Variants in COBL observed in about 807,000 individuals in gnomAD.
The protein encoded by COBL is cordon-bleu WH2 repeat protein.
COBL carries 51 observed loss-of-function variants against 98.8 expected under a neutral mutation model. The observed-to-expected ratio is 0.52, with a 90% CI of 0.41 to 0.65. The LOEUF (loss-of-function observed/expected upper bound fraction) is 0.65, where lower values mean the gene tolerates loss of function less well. Ranked by LOEUF, COBL falls within the 30% of genes least tolerant of loss-of-function variation. The probability of loss-of-function intolerance (pLI) is 0.00; values close to 1 mark genes in which losing one functional copy is unlikely to be tolerated. For synonymous variants in COBL, 634 were observed against 651.7 expected, an observed-to-expected ratio of 0.97 and a Z score of 0.41; for missense variants, 1,617 against 1,617.5, an observed-to-expected ratio of 1.00 and a Z score of 0.01.
chr7:51,068,138 T>C (rs980133616), intron 7 of COBL, among the ~76,000 whole-genome samples: 3 of 152,232 alleles, frequency 2.0e-5, no homozygotes, highest in Non-Finnish European at 4.4e-5. Flanking sequence ...CAGCTACTTT[T>C]GGTAAACATG....
rs1786373121 is a variant in COBL at position 51,017,363 on chromosome 7, C to T, written c.*188G>A. 6.3e-6 allele frequency: 4 copies of T among 635,014 alleles called. No individual in the cohort carries two copies. The highest frequency in any genetic ancestry group is 2.7e-5 in the East Asian group (1 of 37,046). 39.3% of individuals were successfully genotyped at this position (635,014 alleles called of 1,614,324 possible). A position where few individuals can be genotyped will look rare whatever the true frequency, so the allele number is the denominator to read the frequency against. ...TTTCCTTGGCACACGAGCTGCGCAGCGACACAGCATCTTCTCCTTTCCTTT... is the reference window on the plus strand; with the variant it reads ...TTTCCTTGGCACACGAGCTGCGCAGTGACACAGCATCTTCTCCTTTCCTTT... On this transcript the variant is annotated 3_prime_UTR_variant, in exon 13 of 13. Coordinates refer to ENST00000265136, the MANE Select transcript of COBL (RefSeq NM_015198.5).
intron 11 of COBL, 45 bp from the exon 12 acceptor site, chr7:51,025,417 C>T: frequency 6.2e-7 from 1 of 1,600,864 alleles, no homozygotes; most frequent in Non-Finnish European, 8.5e-7. Flanking sequence ...TGAATGTCTC[C>T]CAAAATTCAG....
At chr7:51,247,462 A>C (rs953674612) in intron 1 of COBL, among the ~76,000 whole-genome samples, 8 of 152,222 alleles carry the variant, frequency 5.3e-5, no homozygotes, top group African/African-American at 1.9e-4. Context: ...GAATTTTTAA[A>C]ATCTTACACT....
intron 6 of COBL, among the ~76,000 whole-genome samples, chr7:51,114,166 G>T (rs1481546669): frequency 6.6e-6 from 1 of 152,166 alleles, no homozygotes; most frequent in African/African-American, 2.4e-5. Context: ...CTTGCCACAA[G>T]GCTGGAAGCT....
rs1489644434 is a variant in COBL, at chr7:51,017,082, C to A, written c.*469G>T. On this transcript the variant is annotated 3_prime_UTR_variant, in exon 13 of 13. Transcript: ENST00000265136. ...TACCAAAACACACAGCATCATGGAG[C>A]ATATCACATTCAGATTGTTCCATCT... 6 of 414,486 alleles carry A rather than the reference C, an allele frequency of 1.4e-5. No homozygotes were observed. Among genetic ancestry groups the A allele is most frequent in the Admixed American group, 4.1e-5 (1 of 24,634 alleles). 25.7% of individuals were successfully genotyped at this position (414,486 alleles called of 1,614,324 possible). A position where few individuals can be genotyped will look rare whatever the true frequency, so the allele number is the denominator to read the frequency against.
At chr7:51,100,221 T>G (rs1795690859) in intron 6 of COBL, among the ~76,000 whole-genome samples, 1 of 152,200 alleles carries the variant, frequency 6.6e-6, no homozygotes, top group Non-Finnish European at 1.5e-5. Flanking sequence ...TTTCTCATTC[T>G]CTCCTTAAAA....
At chr7:51,164,851 C>T (rs1044697751) in intron 5 of COBL, among the ~76,000 whole-genome samples, 19 of 151,976 alleles carry the variant, frequency 1.3e-4, no homozygotes, top group East Asian at 7.7e-4. Context: ...ATAGAAACAA[C>T]GAAAAGTAAA....
At chr7:51,300,536 G>A (rs757210379) in intron 1 of COBL, among the ~76,000 whole-genome samples, 8 of 152,136 alleles carry the variant, frequency 5.3e-5, no homozygotes, top group African/African-American at 9.7e-5. Context: ...AGAGTGTCAC[G>A]TGGTGTGTTA....
intron 5 of COBL, among the ~76,000 whole-genome samples, chr7:51,147,117 C>T (rs1178556923): frequency 6.6e-6 from 1 of 152,210 alleles, no homozygotes; most frequent in African/African-American, 2.4e-5. Context: ...CTCCGCAGCC[C>T]TGGGGCAGCT....
At chr7:51,041,853 C>T (rs186341719) in intron 8 of COBL, among the ~76,000 whole-genome samples, 99 of 152,152 alleles carry the variant, frequency 6.5e-4, no homozygotes, top group Non-Finnish European at 8.8e-4. Flanking sequence ...ATCTAAAAGA[C>T]GAAAAACATT....
chr7:51,081,225 C>G (rs1386159358), intron 7 of COBL, among the ~76,000 whole-genome samples: 1 of 152,196 alleles, frequency 6.6e-6, no homozygotes, highest in Non-Finnish European at 1.5e-5. Flanking sequence ...CCATCCCAAC[C>G]TCCTCTTCCC....
intron 1 of COBL, among the ~76,000 whole-genome samples, chr7:51,234,237 C>T (rs572539958): frequency 3.3e-5 from 5 of 152,200 alleles, no homozygotes; most frequent in African/African-American, 1.2e-4. Flanking sequence ...CCTGGGCTGG[C>T]GAAACCTGAG....
chr7:51,316,158 T>C (rs1011124506), intron 1 of COBL, among the ~76,000 whole-genome samples: 8 of 151,632 alleles, frequency 5.3e-5, no homozygotes, highest in South Asian at 2.1e-4. Context: ...GAGGGAAGAC[T>C]TGATGGGAAC....
At chr7:51,163,860 TA>T (rs1298252087) in intron 5 of COBL, among the ~76,000 whole-genome samples, 1 of 152,258 alleles carries the variant, frequency 6.6e-6, no homozygotes, top group Non-Finnish European at 1.5e-5. Flanking sequence ...GGTAGATTTC[TA>T]AAACTAGGAT....
intron 7 of COBL, among the ~76,000 whole-genome samples, chr7:51,057,333 TACAC>T (rs10579615): frequency 7.0e-4 from 104 of 149,198 alleles, no homozygotes; most frequent in African/African-American, 2.0e-3. Context: ...CGCACACACA[TACAC>T]ACACACACAC....
chr7:51,297,594 C>T (rs951960846), intron 1 of COBL, among the ~76,000 whole-genome samples: 1 of 151,904 alleles, frequency 6.6e-6, no homozygotes, highest in African/African-American at 2.4e-5. Context: ...GGTTTTGCCA[C>T]GTTGGCCAGA....
At chr7:51,296,898 C>T (rs942323316) in intron 1 of COBL, among the ~76,000 whole-genome samples, 2 of 152,192 alleles carry the variant, frequency 1.3e-5, no homozygotes, top group African/African-American at 4.8e-5. Context: ...AACTCCCAGG[C>T]TGGCCACCTT....
At chr7:51,187,339 C>T (rs1197817893) in intron 4 of COBL, among the ~76,000 whole-genome samples, 5,265 of 142,744 alleles carry the variant, frequency 0.037, 164 homozygotes, top group Middle Eastern at 0.081. Flanking sequence ...TATACACACA[C>T]ACACACACAC....
chr7:51,142,938 A>C (rs1477772050), intron 5 of COBL, among the ~76,000 whole-genome samples: 1 of 152,168 alleles, frequency 6.6e-6, no homozygotes, highest in East Asian at 1.9e-4. Flanking sequence ...CAGTGGCCAC[A>C]GCAGACCGCA....
Sources: allele counts gnomAD v4.1 joint callset (sites outside exome capture counted in the v4.1 genomes callset), GRCh38; gene constraint gnomAD v4.1.1; transcripts MANE v1.5; gene names NCBI Gene and HGNC (gene_info 2026-07-23, HGNC 2026-07-21).